Variants in TMEM132C observed in about 807,000 individuals in gnomAD.
TMEM132C encodes protein phosphatase 1, regulatory subunit 152.
TMEM132C carries 29 observed loss-of-function variants against 61.4 expected under a neutral mutation model. The observed-to-expected ratio is 0.47, with a 90% CI of 0.35 to 0.64. The LOEUF is 0.64. Ranked by LOEUF, TMEM132C falls within the 30% of genes least tolerant of loss-of-function variation. The probability of loss-of-function intolerance (pLI) is 0.00; values close to 1 mark genes in which losing one functional copy is unlikely to be tolerated. For missense variants in TMEM132C, 1,408 were observed against 1,476.9 expected (o/e 0.95, Z 0.76); for synonymous variants, 656 against 633.1 (o/e 1.04, Z -0.54).
chr12:128,409,224 C>A (rs1424935566), intron 1 of TMEM132C, among the ~76,000 whole-genome samples: 1 of 152,108 alleles, frequency 6.6e-6, no homozygotes, highest in African/African-American at 2.4e-5. Flanking sequence ...ATTCAAATAG[C>A]AAGGAGGTTG....
chr12:128,313,264 T>C (rs572849746), intron 1 of TMEM132C, among the ~76,000 whole-genome samples: 11 of 152,196 alleles, frequency 7.2e-5, no homozygotes, highest in African/African-American at 2.7e-4. Context: ...GCACATATGA[T>C]AGGACATCAC....
intron 1 of TMEM132C, among the ~76,000 whole-genome samples, chr12:128,317,817 A>T (rs1270188659): frequency 2.0e-5 from 3 of 152,222 alleles, no homozygotes; most frequent in Non-Finnish European, 4.4e-5. Flanking sequence ...CCTGGGAGGC[A>T]GAGGTTTCAG....
intron 2 of TMEM132C, among the ~76,000 whole-genome samples, chr12:128,479,369 A>C (rs1871252349): frequency 6.6e-6 from 1 of 152,318 alleles, no homozygotes; most frequent in South Asian, 2.1e-4. Context: ...AAGTTAAGGA[A>C]AAAAAAGAGT....
rs1852345978 is a variant in TMEM132C at position 128,570,905 on chromosome 12, GA to G, written c.1121+26804del. Among the ~76,000 whole-genome samples, 1 of 152,220 alleles carries G rather than the reference GA, an allele frequency of 6.6e-6. No individual in the cohort carries two copies. Among genetic ancestry groups the G allele is most frequent in the African/African-American group, 2.4e-5 (1 of 41,460 alleles). ...CCGTAGAGCCACTCCTAGCAATAAG[GA>G]AGTCTGGGGAAGTTACTATTTTCAC... On this transcript the variant is annotated intron_variant, in intron 3 of 8. Coordinates refer to ENST00000435159, the MANE Select transcript of TMEM132C (RefSeq NM_001136103.3). The surrounding 1 kb of genome is among the most constrained non-coding windows in gnomAD (Gnocchi z 4.7).
At chr12:128,400,599 GTTT>G (rs5801795) in intron 1 of TMEM132C, among the ~76,000 whole-genome samples, 110 of 140,742 alleles carry the variant, frequency 7.8e-4, no homozygotes, top group East Asian at 3.4e-3. Context: ...CCATTCTTTT[GTTT>G]TTTTTTTTTT....
chr12:128,611,375 TTC>T (rs886913520), intron 3 of TMEM132C, among the ~76,000 whole-genome samples: 1 of 152,220 alleles, frequency 6.6e-6, no homozygotes, highest in Non-Finnish European at 1.5e-5. Flanking sequence ...ATTTCTTCTT[TTC>T]TCTTTCATTA....
chr12:128,273,978 G>A (rs1208473616), intron 1 of TMEM132C, among the ~76,000 whole-genome samples: 1 of 152,136 alleles, frequency 6.6e-6, no homozygotes, highest in Non-Finnish European at 1.5e-5. Flanking sequence ...TACTTCTGAT[G>A]TTCTTAAAAC....
At chr12:128,448,500 G>A (rs1870067035) in intron 2 of TMEM132C, among the ~76,000 whole-genome samples, 1 of 152,166 alleles carries the variant, frequency 6.6e-6, no homozygotes, top group African/African-American at 2.4e-5. Flanking sequence ...TAGCGGGCCA[G>A]CCTGGGCTTG....
intron 3 of TMEM132C, among the ~76,000 whole-genome samples, chr12:128,565,228 C>T (rs1309848830): frequency 6.6e-6 from 1 of 152,206 alleles, no homozygotes; most frequent in Non-Finnish European, 1.5e-5. Flanking sequence ...GCAGAATTCT[C>T]TCAACAACGA....
intron 1 of TMEM132C, among the ~76,000 whole-genome samples, chr12:128,329,524 C>A (rs1388738500): frequency 1.3e-5 from 2 of 152,082 alleles, no homozygotes; most frequent in African/African-American, 4.8e-5. Flanking sequence ...TTGTGTTTTC[C>A]CAGCCCAGGA....
chr12:128,707,295 G>A lies in TMEM132C; in HGVS notation c.*1000G>A, dbSNP rs7956358. On this transcript the variant is annotated 3_prime_UTR_variant, in exon 9 of 9. Transcript: ENST00000435159. ...TGTCATCGTGGGGATGTTCCTATATGGGAGAAAGTTGGGTTAAATCAAAAA... is the reference window on the plus strand; with the variant it reads ...TGTCATCGTGGGGATGTTCCTATATAGGAGAAAGTTGGGTTAAATCAAAAA... 95,864 of 152,076 alleles carry A rather than the reference G, an allele frequency of 0.63. 32,343 individuals carry two copies. The highest frequency in any genetic ancestry group is 0.74 in the Admixed American group (11,302 of 15,284). 9.4% of individuals were successfully genotyped at this position (152,076 alleles called of 1,614,324 possible).
intron 1 of TMEM132C, among the ~76,000 whole-genome samples, chr12:128,367,279 ATG>A (rs1226025736): frequency 3.3e-5 from 5 of 152,182 alleles, no homozygotes; most frequent in Non-Finnish European, 7.4e-5. Context: ...ACGTCCAGAG[ATG>A]TGTCTGTTCT....
intron 1 of TMEM132C, among the ~76,000 whole-genome samples, 151 bp downstream of exon 1, chr12:128,267,638 C>T (rs1002601587): frequency 6.6e-6 from 1 of 152,114 alleles, no homozygotes; most frequent in Non-Finnish European, 1.5e-5. Context: ...GGTGCCGAGC[C>T]GCCCCTAATC....
chr12:128,392,514 C>T (rs1874800907), intron 1 of TMEM132C, among the ~76,000 whole-genome samples: 1 of 151,856 alleles, frequency 6.6e-6, no homozygotes, highest in African/African-American at 2.4e-5. Context: ...CCCAGAACGT[C>T]ATGAAGGAGC....
At chr12:128,615,088 C>A (rs559290339) in intron 3 of TMEM132C, among the ~76,000 whole-genome samples, 34 of 152,290 alleles carry the variant, frequency 2.2e-4, no homozygotes, top group South Asian at 1.9e-3. Context: ...ATGAGTGGGT[C>A]CGACTGGAGC....
chr12:128,340,388 A>T (rs1292642741), intron 1 of TMEM132C, among the ~76,000 whole-genome samples: 1 of 152,154 alleles, frequency 6.6e-6, no homozygotes, highest in Non-Finnish European at 1.5e-5. Flanking sequence ...TTATTACAGT[A>T]AAGCTTATTT....
intron 3 of TMEM132C, among the ~76,000 whole-genome samples, chr12:128,594,387 T>A (rs1464581139): frequency 4.5e-5 from 6 of 134,358 alleles, no homozygotes; most frequent in African/African-American, 8.3e-5. Flanking sequence ...CACACTGGAA[T>A]GAAAGCTCCA....
intron 3 of TMEM132C, among the ~76,000 whole-genome samples, chr12:128,593,799 A>G (rs544324884): frequency 3.9e-5 from 6 of 152,162 alleles, no homozygotes; most frequent in African/African-American, 7.2e-5. Context: ...ACAGGGGCCA[A>G]TGCAGACTCT....
chr12:128,287,489 CTATATCTATAT>C (rs1391823808), intron 1 of TMEM132C, among the ~76,000 whole-genome samples: 1 of 35,804 alleles, frequency 2.8e-5, no homozygotes, highest in African/African-American at 8.3e-5. Flanking sequence ...GTCTGCATAT[CTATATCTATAT>C]CTATATCTAT....
Sources: allele counts gnomAD v4.1 joint callset (sites outside exome capture counted in the v4.1 genomes callset), GRCh38; gene constraint gnomAD v4.1.1; non-coding constraint Gnocchi (gnomAD v3.1); transcripts MANE v1.5; gene names NCBI Gene and HGNC (gene_info 2026-07-23, HGNC 2026-07-21).